IGSF10: variants seen among roughly 807,000 people sequenced by gnomAD.
IGSF10 encodes the protein immunoglobulin superfamily member 10.
In IGSF10, 126 loss-of-function variants were observed where a neutral mutation model predicts 128.2. The ratio of observed to expected loss-of-function variants is 0.98; its 90% confidence interval spans 0.85 to 1.14. IGSF10 has a LOEUF of 1.14. Ranked by LOEUF, IGSF10 falls within the 50% of genes most tolerant of loss-of-function variation. The pLI is 0.00. For synonymous variants in IGSF10, 1,185 were observed against 1,146.2 expected (o/e 1.03, Z -0.68); for missense variants, 3,295 against 3,149.8 (o/e 1.05, Z -1.10).
chr3:151,535,386 T>C, the IGSF10 span, among the ~76,000 whole-genome samples: 1 of 152,152 alleles, frequency 6.6e-6, no homozygotes, highest in African/African-American at 2.4e-5. Flanking sequence ...TACTTCTCAC[T>C]TATAAGTGGG....
At chr3:151,599,151 G>T in the IGSF10 span, among the ~76,000 whole-genome samples, 5 of 152,122 alleles carry the variant, frequency 3.3e-5, no homozygotes, top group Non-Finnish European at 2.9e-5. Flanking sequence ...AAAAGGAAGG[G>T]AAGGGCTCCA....
At chr3:151,551,493 AAAAG>A in the IGSF10 span, among the ~76,000 whole-genome samples, 1 of 113,232 alleles carries the variant, frequency 8.8e-6, no homozygotes, top group African/African-American at 3.2e-5. Flanking sequence ...CCAAAAACAA[AAAAG>A]AAAGAAAAAA....
At position 151,448,076 on chromosome 3, in the gene IGSF10, G is replaced by A; in HGVS notation, c.1905C>T (p.Val635=). 1.2e-6 allele frequency: 2 copies of A among 1,614,138 alleles called. No homozygotes were observed. Among genetic ancestry groups the A allele is most frequent in the Middle Eastern group, 3.3e-4 (2 of 6,062 alleles). Residue 635 remains valine (V), a synonymous_variant, in exon 6 of 8, where the codon GTC becomes GTT. Transcript: ENST00000282466. Reference sequence around the variant, plus strand: ...GATAATAACCTTGGTCTTTCGGGGTGACCTGTAATATTCTTAATGTGCCAT... The same window carrying A: ...GATAATAACCTTGGTCTTTCGGGGTAACCTGTAATATTCTTAATGTGCCAT... ...LNNGTLRILQ[V]TPKDQGYYRC...
At chr3:151,524,168 C>T in the IGSF10 span, among the ~76,000 whole-genome samples, 9 of 152,080 alleles carry the variant, frequency 5.9e-5, no homozygotes, top group African/African-American at 2.2e-4. Context: ...GGAACACTTA[C>T]ACACTGTGGG....
At chr3:151,579,354 A>G in the IGSF10 span, among the ~76,000 whole-genome samples, 1 of 152,228 alleles carries the variant, frequency 6.6e-6, no homozygotes, top group African/African-American at 2.4e-5. Context: ...AATGCAATCA[A>G]GAGAACCAGA....
At chr3:151,433,191 A>AATT (rs1719727775), downstream of IGSF10, 1 of 158,258 alleles carries the variant, frequency 6.3e-6, no homozygotes, top group South Asian at 1.9e-4. Flanking sequence ...TTTTTTTTTT[A>AATT]ATTTTATTTT....
chr3:151,523,489 A>C, the IGSF10 span, among the ~76,000 whole-genome samples: 2 of 152,146 alleles, frequency 1.3e-5, 1 homozygote, highest in Admixed American at 1.3e-4. Flanking sequence ...AATGGAACAG[A>C]ATAGCAAGCC....
At chr3:151,618,776 T>A in the IGSF10 span, among the ~76,000 whole-genome samples, 1 of 148,900 alleles carries the variant, frequency 6.7e-6, no homozygotes, top group Non-Finnish European at 1.5e-5. Flanking sequence ...AATTAAAAAA[T>A]TAAAAATAAA....
intron 5 of IGSF10, among the ~76,000 whole-genome samples, chr3:151,450,205 T>C (rs557989330): frequency 1.7e-4 from 26 of 152,352 alleles, no homozygotes; most frequent in African/African-American, 5.8e-4. Flanking sequence ...TCTGCTCTGG[T>C]GAGCCTATTT....
the IGSF10 span, among the ~76,000 whole-genome samples, chr3:151,593,343 C>T: frequency 2.4e-3 from 368 of 152,178 alleles, 1 homozygote; most frequent in African/African-American, 8.5e-3. Context: ...AACTCCTGAG[C>T]GCAAGCGATC....
chr3:151,519,377 C>A, the IGSF10 span, among the ~76,000 whole-genome samples: 6 of 151,784 alleles, frequency 4.0e-5, no homozygotes, highest in African/African-American at 1.5e-4. Flanking sequence ...CAATTTAAGA[C>A]CACTGTCTCT....
chr3:151,461,219 A>G (rs926894533), upstream of IGSF10: 19 of 985,154 alleles, frequency 1.9e-5, no homozygotes, highest in South Asian at 4.7e-4. Context: ...TTAAATTCCC[A>G]GGGCTTTCTC....
chr3:151,438,794 T>G (rs570923093), intron 7 of IGSF10, among the ~76,000 whole-genome samples, 197 bp from the exon 8 acceptor site: 4 of 147,842 alleles, frequency 2.7e-5, no homozygotes, highest in African/African-American at 1.0e-4. Context: ...TATACACATA[T>G]TTGAGATATA....
the IGSF10 span, among the ~76,000 whole-genome samples, chr3:151,507,475 C>A: frequency 1.3e-5 from 2 of 152,094 alleles, no homozygotes; most frequent in Non-Finnish European, 2.9e-5. Context: ...CCAATCTCAT[C>A]CTGCTATAAA....
the IGSF10 span, among the ~76,000 whole-genome samples, chr3:151,513,041 A>C: frequency 6.6e-6 from 1 of 152,210 alleles, no homozygotes; most frequent in African/African-American, 2.4e-5. Context: ...AGGTACAAGG[A>C]GGAACTGGTA....
the IGSF10 span, among the ~76,000 whole-genome samples, chr3:151,614,083 C>G: frequency 1.3e-5 from 2 of 152,202 alleles, no homozygotes; most frequent in East Asian, 3.8e-4. Flanking sequence ...CTCATCATCA[C>G]TGGCCATCAG....
chr3:151,507,011 C>T, the IGSF10 span, among the ~76,000 whole-genome samples: 1 of 152,084 alleles, frequency 6.6e-6, no homozygotes, highest in African/African-American at 2.4e-5. Context: ...TAGATACTTG[C>T]TTGATTTGAC....
At chr3:151,540,427 A>AT in the IGSF10 span, among the ~76,000 whole-genome samples, 2 of 152,006 alleles carry the variant, frequency 1.3e-5, no homozygotes, top group Non-Finnish European at 2.9e-5. Context: ...GCTTAACATT[A>AT]TTTTTTTGAG....
the IGSF10 span, among the ~76,000 whole-genome samples, chr3:151,479,362 TTTTA>T: frequency 4.6e-5 from 7 of 151,214 alleles, no homozygotes; most frequent in African/African-American, 1.5e-4. Flanking sequence ...TTTAAACGTC[TTTTA>T]ATTAAATTTA....
Sources: allele counts gnomAD v4.1 joint callset (sites outside exome capture counted in the v4.1 genomes callset), GRCh38; gene constraint gnomAD v4.1.1; transcripts MANE v1.5; gene names NCBI Gene and HGNC (gene_info 2026-07-23, HGNC 2026-07-21).